Variants in TCF7L1 observed in about 807,000 individuals in gnomAD.
TCF7L1 encodes the protein transcription factor 7 like 1.
Under a neutral mutation model 63.7 loss-of-function variants are expected in TCF7L1, and 18 were observed. That is an observed-to-expected ratio of 0.28 (90% confidence interval 0.20 to 0.42). The LOEUF is 0.42. TCF7L1 is among the 10% of genes least tolerant of loss of function. The pLI, the probability that TCF7L1 is intolerant of heterozygous loss-of-function variation, is 1.00. For synonymous variants in TCF7L1, 355 were observed against 340.9 expected, an observed-to-expected ratio of 1.04 and a Z score of -0.46; for missense variants, 654 against 779.3, an observed-to-expected ratio of 0.84 and a Z score of 1.91.
chr2:85,186,158 G>A (rs936283600), intron 3 of TCF7L1, among the ~76,000 whole-genome samples: 4 of 151,902 alleles, frequency 2.6e-5, no homozygotes, highest in African/African-American at 7.3e-5. Context: ...TAGTAGAGAC[G>A]GGGTTTCATC....
At chr2:85,155,876 A>G (rs1375054849) in intron 3 of TCF7L1, among the ~76,000 whole-genome samples, 1 of 152,074 alleles carries the variant, frequency 6.6e-6, no homozygotes, top group Non-Finnish European at 1.5e-5. Context: ...GGGAGGGGGG[A>G]AATCAGATGC....
intron 3 of TCF7L1, among the ~76,000 whole-genome samples, chr2:85,135,914 A>G (rs1574073602): frequency 2.1e-5 from 2 of 96,834 alleles, no homozygotes; most frequent in South Asian, 5.1e-4. Flanking sequence ...AAAAGAAAAG[A>G]GGTGCGTGCC....
At chr2:85,264,823 G>A (rs1680931180) in intron 3 of TCF7L1, among the ~76,000 whole-genome samples, 1 of 152,194 alleles carries the variant, frequency 6.6e-6, no homozygotes, top group South Asian at 2.1e-4. Context: ...AAGAAGGCAT[G>A]TAATGTGCTA....
At chr2:85,283,691 A>G in intron 4 of TCF7L1, 113 bp downstream of exon 4, 1 of 1,144,590 alleles carries the variant, frequency 8.7e-7, no homozygotes, top group Non-Finnish European at 1.3e-6. Context: ...GTTTCCTCAA[A>G]TGTGTGAGTA....
At chr2:85,225,816 T>C (rs1679942875) in intron 3 of TCF7L1, among the ~76,000 whole-genome samples, 2 of 152,178 alleles carry the variant, frequency 1.3e-5, no homozygotes, top group Non-Finnish European at 2.9e-5. Context: ...AATACTGTGT[T>C]GATAGGAGTG....
At chr2:85,219,388 A>G (rs540420523) in intron 3 of TCF7L1, among the ~76,000 whole-genome samples, 1 of 151,404 alleles carries the variant, frequency 6.6e-6, no homozygotes, top group African/African-American at 2.5e-5. Flanking sequence ...CAGCAAATCT[A>G]CTACACATGA....
intron 3 of TCF7L1, among the ~76,000 whole-genome samples, chr2:85,262,897 A>T (rs1016574581): frequency 6.6e-6 from 1 of 152,224 alleles, no homozygotes; most frequent in Admixed American, 6.5e-5. Flanking sequence ...GTGGCTTCAG[A>T]TACCCTACCC....
At chr2:85,221,729 A>G (rs1307598662) in intron 3 of TCF7L1, among the ~76,000 whole-genome samples, 1 of 152,224 alleles carries the variant, frequency 6.6e-6, no homozygotes, top group Non-Finnish European at 1.5e-5. Context: ...CTGTTGCATT[A>G]TGCATTAAGT....
At chr2:85,204,335 A>C (rs1436187858) in intron 3 of TCF7L1, among the ~76,000 whole-genome samples, 1 of 111,384 alleles carries the variant, frequency 9.0e-6, no homozygotes, top group Non-Finnish European at 1.7e-5. Flanking sequence ...AGACCTTTCG[A>C]TGTCAGTACA....
intron 3 of TCF7L1, among the ~76,000 whole-genome samples, chr2:85,168,794 G>T (rs758074041): frequency 1.3e-4 from 20 of 152,190 alleles, no homozygotes; most frequent in Middle Eastern, 6.8e-3. Context: ...GCTAATTTTT[G>T]TATTTTAGTA....
At chr2:85,299,860 AACACACACACACACACACACACAC>A (rs61569778) in intron 4 of TCF7L1, among the ~76,000 whole-genome samples, 3 of 92,704 alleles carry the variant, frequency 3.2e-5, no homozygotes, top group African/African-American at 1.3e-4. Flanking sequence ...CCTTGTCTCA[AACACACACACACACACACACACAC>A]ACACACACAC....
At position 85,133,841 on chromosome 2, in the gene TCF7L1, A is replaced by G; in HGVS notation, c.157A>G (p.Ser53Gly). Residue 53 changes from serine to glycine, a missense_variant, in exon 1 of 12, where the codon AGC becomes GGC. By Grantham distance (56) the Ser-to-Gly change is moderately conservative. Around this residue, in one of 3 missense-constraint regions of TCF7L1, gnomAD observed 404 missense variants for 454.8 expected, o/e 0.89. Transcript: ENST00000282111. The surrounding 1 kb of genome is among the most constrained non-coding windows in gnomAD (Gnocchi z 4.4). ...DEGGEEQEPS[S>G]DSASAQRDLD... Reference sequence around the variant, plus strand: ...GGGGGGCGAGGAGCAGGAGCCGAGCAGCGATAGCGCCTCGGCGCAGCGGGA... The same window carrying G: ...GGGGGGCGAGGAGCAGGAGCCGAGCGGCGATAGCGCCTCGGCGCAGCGGGA... The G allele has an allele frequency of 6.6e-7, 1 of 1,504,564 alleles. No individual in the cohort carries two copies. The highest frequency in any genetic ancestry group is 2.2e-5 in the Admixed American group (1 of 45,140). The allele number at this position is 1,504,564 out of a possible 1,614,324, so 93.2% of individuals were successfully genotyped here. A position where few individuals can be genotyped will look rare whatever the true frequency, so the allele number is the denominator to read the frequency against.
At chr2:85,258,561 C>T (rs758911343) in intron 3 of TCF7L1, among the ~76,000 whole-genome samples, 8 of 152,198 alleles carry the variant, frequency 5.3e-5, no homozygotes, top group African/African-American at 1.9e-4. Context: ...TTACCACCAC[C>T]GCATTCTGGT....
intron 3 of TCF7L1, among the ~76,000 whole-genome samples, chr2:85,246,025 G>C (rs148317086): frequency 6.6e-6 from 1 of 152,180 alleles, no homozygotes; most frequent in Non-Finnish European, 1.5e-5. Flanking sequence ...CATGAATGTG[G>C]TTTAGGACAG....
intron 3 of TCF7L1, among the ~76,000 whole-genome samples, chr2:85,226,702 C>T (rs1679962101): frequency 6.6e-6 from 1 of 152,156 alleles, no homozygotes; most frequent in Non-Finnish European, 1.5e-5. Context: ...TTCTCTAAAA[C>T]TGTCCTGTGA....
intron 3 of TCF7L1, among the ~76,000 whole-genome samples, chr2:85,162,057 TA>T (rs1246835253): frequency 1.1e-3 from 157 of 144,824 alleles, no homozygotes; most frequent in South Asian, 1.3e-3. Context: ...AGTTGAGATT[TA>T]AAAAAAAAAA....
At chr2:85,271,493 T>C (rs749081333) in intron 3 of TCF7L1, among the ~76,000 whole-genome samples, 10 of 152,220 alleles carry the variant, frequency 6.6e-5, no homozygotes, top group Non-Finnish European at 1.2e-4. Flanking sequence ...AGATAATTCA[T>C]ATGGAATGCT....
rs758469164 is a variant in TCF7L1 at position 85,134,018 on chromosome 2, G to A, written c.252G>A (p.Ala84=). The A allele has an allele frequency of 8.1e-6, 13 of 1,609,638 alleles. No individual in the cohort carries two copies. The highest frequency in any genetic ancestry group is 1.7e-5 in the Admixed American group (1 of 59,752). ...TTGCCTTTGTGTCTCCTCCGCAGGC[G>A]GAGAGGCGCCCGCAGCCCGTCCGGG... ...ENQSSSSDSE[A]ERRPQPVRDT... is the part of the protein sequence containing the mutation. Residue 84 remains alanine, a splice_region_variant and synonymous_variant, in exon 2 of 12, where the codon GCG becomes GCA. Coordinates refer to ENST00000282111, the MANE Select transcript of TCF7L1 (RefSeq NM_031283.3). The surrounding 1 kb of genome is among the most constrained non-coding windows in gnomAD (Gnocchi z 5.0).
At chr2:85,211,749 T>C (rs1572993507) in intron 3 of TCF7L1, among the ~76,000 whole-genome samples, 1 of 152,140 alleles carries the variant, frequency 6.6e-6, no homozygotes, top group Admixed American at 6.5e-5. Context: ...TAGCTGTGAT[T>C]TGGGGCAGGA....
Sources: gnomAD v4.1 joint callset for allele counts (sites outside exome capture counted in the v4.1 genomes callset) on GRCh38, gnomAD v4.1.1 for gene constraint, gnomAD v4.1.1 regional missense constraint, Gnocchi (gnomAD v3.1) non-coding constraint, MANE v1.5 for transcripts, NCBI Gene and HGNC (gene_info 2026-07-23, HGNC 2026-07-21) for gene names.